Variants in ZMYM2 observed in about 807,000 individuals in gnomAD.
ZMYM2 encodes the protein zinc finger MYM-type protein 2.
In ZMYM2, 56 loss-of-function variants were observed where a neutral mutation model predicts 162.8. The ratio of observed to expected loss-of-function variants is 0.34; its 90% CI spans 0.28 to 0.43. ZMYM2 has a LOEUF of 0.43. Ranked by LOEUF, ZMYM2 falls within the 20% of genes least tolerant of loss-of-function variation. ZMYM2 has a pLI of 1.00. For missense variants in ZMYM2, 1,275 were observed against 1,621.8 expected (o/e 0.79, Z 3.67); for synonymous variants, 510 against 541.6 (o/e 0.94, Z 0.81).
intron 2 of ZMYM2, among the ~76,000 whole-genome samples, chr13:19,969,662 G>C (rs1373495007): frequency 3.3e-5 from 5 of 151,912 alleles, no homozygotes; most frequent in Non-Finnish European, 5.9e-5. Context: ...ATTTATTGAG[G>C]GTTGCCTTCT....
chr13:19,962,979 C>T (rs1231386007), intron 2 of ZMYM2, among the ~76,000 whole-genome samples: 1 of 151,958 alleles, frequency 6.6e-6, no homozygotes, highest in Non-Finnish European at 1.5e-5. Context: ...TGCCACTACA[C>T]CTGGCTAGTT....
the ZMYM2 span, among the ~76,000 whole-genome samples, chr13:19,894,813 G>A: frequency 4.6e-5 from 7 of 151,744 alleles, no homozygotes; most frequent in African/African-American, 7.3e-5. Flanking sequence ...ATTTTAGGAC[G>A]GACGCAGTGG....
intron 12 of ZMYM2, among the ~76,000 whole-genome samples, chr13:20,043,330 C>T (rs1954448809): frequency 6.6e-6 from 1 of 152,164 alleles, no homozygotes; most frequent in Middle Eastern, 3.2e-3. Context: ...TCCTCATTGG[C>T]ATGTGCCAGC....
the ZMYM2 span, among the ~76,000 whole-genome samples, chr13:19,889,159 G>C: frequency 6.6e-6 from 1 of 151,788 alleles, no homozygotes. Flanking sequence ...AGATTTAGCT[G>C]GTTAGTTTTG....
intron 6 of ZMYM2, among the ~76,000 whole-genome samples, chr13:20,011,478 C>G (rs1266978765): frequency 1.3e-5 from 2 of 151,596 alleles, no homozygotes; most frequent in Non-Finnish European, 2.9e-5. Context: ...GTTGCTCATT[C>G]TGTATATGTT....
intron 7 of ZMYM2, 148 bp from the exon 8 acceptor site, chr13:20,026,464 T>A (rs552731430): frequency 1.5e-6 from 1 of 661,064 alleles, no homozygotes; most frequent in South Asian, 2.6e-5. Flanking sequence ...GTTAATAGTT[T>A]GTATGTAGAT....
chr13:20,043,090 A>T (rs1954422475), intron 12 of ZMYM2, among the ~76,000 whole-genome samples: 1 of 152,136 alleles, frequency 6.6e-6, no homozygotes, highest in South Asian at 2.1e-4. Context: ...AGGTGGATTC[A>T]GCCAAGTGAC....
chr13:20,052,225 C>T, intron 13 of ZMYM2, 52 bp from the exon 14 acceptor site: 2 of 1,417,710 alleles, frequency 1.4e-6, no homozygotes, highest in South Asian at 1.4e-5. Context: ...GGATTTAGAA[C>T]ATTCTGAAGA....
chr13:19,975,548 A>G (rs1004437660), intron 2 of ZMYM2, among the ~76,000 whole-genome samples: 1 of 152,368 alleles, frequency 6.6e-6, no homozygotes, highest in East Asian at 1.9e-4. Context: ...ATGTTTACCA[A>G]CATTTTATTT....
the ZMYM2 span, among the ~76,000 whole-genome samples, chr13:19,929,780 C>T: frequency 6.6e-6 from 1 of 152,172 alleles, no homozygotes; most frequent in Non-Finnish European, 1.5e-5. Flanking sequence ...ATTTATTTCT[C>T]TCCTATCCTC....
the ZMYM2 span, among the ~76,000 whole-genome samples, chr13:19,870,434 G>A: frequency 6.6e-6 from 1 of 151,960 alleles, no homozygotes; most frequent in Non-Finnish European, 1.5e-5. Context: ...CACTGCGCCT[G>A]ACCATACACT....
intron 22 of ZMYM2, 119 bp downstream of exon 22, chr13:20,082,249 T>TA: frequency 2.6e-6 from 2 of 763,298 alleles, no homozygotes; most frequent in South Asian, 3.7e-5. Context: ...TCTGAACACT[T>TA]ACTCGAGCTC....
At chr13:20,009,375 C>A (rs1475226) in intron 6 of ZMYM2, among the ~76,000 whole-genome samples, 146,859 of 152,302 alleles carry the variant, frequency 0.96, 71,042 homozygotes, top group East Asian at 1. Flanking sequence ...ATAAAAAGGA[C>A]GGAAAGTAAC....
intron 6 of ZMYM2, among the ~76,000 whole-genome samples, chr13:20,017,096 A>G (rs1323557): frequency 0.69 from 104,925 of 152,074 alleles, 41,286 homozygotes; most frequent in Non-Finnish European, 0.86. Flanking sequence ...AAAAGCTCTG[A>G]CTTTCTGCTG....
chr13:19,912,202 A>G, the ZMYM2 span, among the ~76,000 whole-genome samples: 1 of 151,606 alleles, frequency 6.6e-6, no homozygotes, highest in East Asian at 1.9e-4. Context: ...CTAGCTGGCA[A>G]GGCCAGTAAT....
chr13:19,899,553 C>A, the ZMYM2 span, among the ~76,000 whole-genome samples: 2 of 151,888 alleles, frequency 1.3e-5, no homozygotes, highest in Admixed American at 6.6e-5. Flanking sequence ...CTCGGTGACT[C>A]ATGCCTATAA....
intron 21 of ZMYM2, chr13:20,072,066 C>T (rs1315417634): frequency 6.0e-6 from 1 of 165,998 alleles, no homozygotes; most frequent in Non-Finnish European, 1.3e-5. Context: ...GTCTCTTCAG[C>T]TTCCGCTTCT....
At chr13:19,958,399 G>C (rs1463096250), upstream of ZMYM2, among the ~76,000 whole-genome samples, 2 of 151,638 alleles carry the variant, frequency 1.3e-5, no homozygotes, top group Non-Finnish European at 2.9e-5. Flanking sequence ...GCCCCGAGGA[G>C]CCGAAGCGGG....
chr13:20,033,122 G>A (rs1379345374), intron 10 of ZMYM2, among the ~76,000 whole-genome samples: 1 of 152,008 alleles, frequency 6.6e-6, no homozygotes, highest in Admixed American at 6.6e-5. Flanking sequence ...CCAGTAAGAG[G>A]TAATAAAGGA....
Sources: gnomAD v4.1 joint callset for allele counts (sites outside exome capture counted in the v4.1 genomes callset) on GRCh38, gnomAD v4.1.1 for gene constraint, MANE v1.5 for transcripts, NCBI Gene and HGNC (gene_info 2026-07-23, HGNC 2026-07-21) for gene names.